Variants in FRMPD4 observed in about 807,000 individuals in gnomAD.
The protein encoded by FRMPD4 is FERM and PDZ domain-containing protein 4.
In FRMPD4, 22 loss-of-function variants were observed where a neutral mutation model predicts 94.1. The ratio of observed to expected loss-of-function variants is 0.23; its 90% CI spans 0.17 to 0.33. FRMPD4 has a LOEUF of 0.33. FRMPD4 is among the 10% of genes least tolerant of loss of function. The probability of loss-of-function intolerance (pLI) is 1.00; values close to 1 mark genes in which losing one functional copy is unlikely to be tolerated. For synonymous variants in FRMPD4, 631 were observed against 548.6 expected (o/e 1.15, Z -2.10); for missense variants, 1,111 against 1,339.9 (o/e 0.83, Z 2.67).
intron 1 of FRMPD4, among the ~76,000 whole-genome samples, chrX:12,190,409 A>G (rs1469499149): frequency 2.7e-5 from 3 of 110,871 alleles, no homozygotes; most frequent in African/African-American, 9.8e-5. Context: ...ACAAAGCCAG[A>G]GGACTGACAC....
At chrX:12,178,498 G>A (rs897740366) in intron 1 of FRMPD4, among the ~76,000 whole-genome samples, 1 of 107,871 alleles carries the variant, frequency 9.3e-6, no homozygotes, top group Admixed American at 9.7e-5. Context: ...CTTGAGTTGC[G>A]ATTGGGTGGC....
chrX:11,955,206 T>G (rs2054248123), intron 3 of FRMPD4, among the ~76,000 whole-genome samples: 1 of 110,946 alleles, frequency 9.0e-6, no homozygotes, highest in Non-Finnish European at 1.9e-5. Context: ...CCTAACCACC[T>G]CCCAAAATCC....
At chrX:12,265,944 C>T (rs183887177) in intron 1 of FRMPD4, among the ~76,000 whole-genome samples, 1,200 of 107,191 alleles carry the variant, frequency 0.011, 19 homozygotes, top group African/African-American at 0.038. Context: ...CTGGCTAACA[C>T]GGTGAAACAC....
chrX:11,949,702 C>T (rs1176721097), intron 3 of FRMPD4, among the ~76,000 whole-genome samples: 2 of 111,038 alleles, frequency 1.8e-5, no homozygotes, highest in Admixed American at 9.6e-5. Context: ...AAGCTGGTTG[C>T]TTCAATAGGT....
At chrX:12,058,388 AG>A (rs1184569675) in intron 3 of FRMPD4, among the ~76,000 whole-genome samples, 1 of 111,368 alleles carries the variant, frequency 9.0e-6, no homozygotes, top group Non-Finnish European at 1.9e-5. Flanking sequence ...TGGGGGAATG[AG>A]GGGATGTTAG....
rs2053909857 is a variant in FRMPD4, at chrX:12,243,646, A to C, written c.41+104634A>C. On this transcript the variant is annotated intron_variant, in intron 1 of 16. Coordinates refer to ENST00000675598, the MANE Select transcript of FRMPD4 (RefSeq NM_001368397.1). The stretch of plus-strand genomic sequence containing the variant: ...CTAAAGGTTCTAGGTGGAGGAAACA[A>C]ACCTAGTTTTTTTTTTTCCATGGAA... Among the ~76,000 whole-genome samples the C allele has an allele frequency of 2.7e-5, 3 of 109,739 alleles. No homozygotes were observed. The Admixed American group carries it at 2.9e-4, about 11-fold the overall frequency.
At chrX:12,155,432 A>G (rs1285933164) in intron 1 of FRMPD4, among the ~76,000 whole-genome samples, 2 of 110,152 alleles carry the variant, frequency 1.8e-5, no homozygotes, top group African/African-American at 6.6e-5. Context: ...TTTATCTCAC[A>G]TAAGAAATCC....
chrX:11,857,610 A>G (rs1170520160), intron 1 of FRMPD4, among the ~76,000 whole-genome samples: 1 of 113,072 alleles, frequency 8.8e-6, no homozygotes, highest in Admixed American at 9.3e-5. Flanking sequence ...ACCCTGGAAG[A>G]CAACCTATTG....
chrX:12,719,730 T>G (rs1408244781), intron 16 of FRMPD4, among the ~76,000 whole-genome samples: 1 of 111,536 alleles, frequency 9.0e-6, no homozygotes, highest in Non-Finnish European at 1.9e-5. Context: ...ACCTCTAAAC[T>G]AAGTCACACT....
chrX:11,949,235 G>A (rs1336671412), intron 3 of FRMPD4, among the ~76,000 whole-genome samples: 1 of 112,088 alleles, frequency 8.9e-6, no homozygotes, highest in Non-Finnish European at 1.9e-5. Flanking sequence ...GTGGATTTAG[G>A]ACTGTGTGGT....
rs1006862819 is a variant in FRMPD4, at chrX:12,341,033, C to T, written c.42-157647C>T. Among the ~76,000 whole-genome samples the T allele has an allele frequency of 3.6e-5, 4 of 112,098 alleles. No individual in the cohort carries two copies. In the East Asian group the frequency reaches 1.1e-3, roughly 31 times the overall value. On this transcript the variant is annotated intron_variant, in intron 1 of 16. Coordinates refer to ENST00000675598, the MANE Select transcript of FRMPD4 (RefSeq NM_001368397.1). ...TTACAAACTTCACTTTATTTATAAA[C>T]TTCAGGCCTCCAGTTCTCAGCTTAG... is the stretch of plus-strand genomic sequence containing the variant.
intron 16 of FRMPD4, 32 bp from the exon 17 acceptor site, chrX:12,720,502 T>G: frequency 8.4e-7 from 1 of 1,196,171 alleles, no homozygotes; most frequent in Non-Finnish European, 1.1e-6. Flanking sequence ...TGCTTAATGA[T>G]TCTCTCTGTT....
At chrX:11,845,879 T>G (rs2147284124) in intron 1 of FRMPD4, among the ~76,000 whole-genome samples, 1 of 108,150 alleles carries the variant, frequency 9.2e-6, no homozygotes, top group South Asian at 4.1e-4. Flanking sequence ...GGGACGTATC[T>G]CAAAATAATA....
At chrX:12,098,005 A>G (rs2055221027) in intron 3 of FRMPD4, among the ~76,000 whole-genome samples, 1 of 112,218 alleles carries the variant, frequency 8.9e-6, no homozygotes, top group Admixed American at 9.5e-5. Context: ...CCTATTTTCC[A>G]AAGTGGCTGC....
intron 2 of FRMPD4, among the ~76,000 whole-genome samples, chrX:12,554,359 G>A (rs894575837): frequency 4.5e-5 from 5 of 111,578 alleles, no homozygotes; most frequent in African/African-American, 1.6e-4. Context: ...GCAGATGATG[G>A]TGGTTCATAT....
At chrX:12,108,073 C>T (rs1378742527) in intron 3 of FRMPD4, among the ~76,000 whole-genome samples, 2 of 111,210 alleles carry the variant, frequency 1.8e-5, no homozygotes, top group South Asian at 3.8e-4. Context: ...ACACAGAGAA[C>T]GCCACAAAGA....
At chrX:12,056,448 T>A (rs936613730) in intron 3 of FRMPD4, among the ~76,000 whole-genome samples, 1 of 110,931 alleles carries the variant, frequency 9.0e-6, no homozygotes, top group East Asian at 2.8e-4. Context: ...CACAGGAACG[T>A]TGGGGGAGGA....
At chrX:12,522,207 ATC>A (rs1338871089) in intron 2 of FRMPD4, among the ~76,000 whole-genome samples, 1 of 111,602 alleles carries the variant, frequency 9.0e-6, no homozygotes, top group Non-Finnish European at 1.9e-5. Context: ...AGCCAGTGGC[ATC>A]TTTGTGCTAA....
chrX:12,038,416 A>G (rs1382390983), intron 3 of FRMPD4, among the ~76,000 whole-genome samples: 3 of 112,190 alleles, frequency 2.7e-5, no homozygotes, highest in Non-Finnish European at 5.6e-5. Context: ...ATCGTTCTTT[A>G]TATATTCTAG....
Sources: gnomAD v4.1 joint callset for allele counts (sites outside exome capture counted in the v4.1 genomes callset) on GRCh38, gnomAD v4.1.1 for gene constraint, MANE v1.5 for transcripts, NCBI Gene and HGNC (gene_info 2026-07-23, HGNC 2026-07-21) for gene names.